AUTS2: variants seen among roughly 807,000 people sequenced by gnomAD.
The protein encoded by AUTS2 is activator of transcription and developmental regulator AUTS2.
A neutral mutation model predicts 112.4 loss-of-function variants in AUTS2; 17 were observed. The observed-to-expected ratio is 0.15, with a 90% CI of 0.10 to 0.23. The LOEUF (loss-of-function observed/expected upper bound fraction) is 0.23. Among genes scored for constraint, AUTS2 ranks in the 10% least tolerant of loss-of-function variants. AUTS2 has a pLI of 1.00. For missense variants in AUTS2, 1,510 were observed against 1,701.6 expected, an observed-to-expected ratio of 0.89 and a Z score of 1.98; for synonymous variants, 751 against 702.7, an observed-to-expected ratio of 1.07 and a Z score of -1.09.
rs560277722 is a variant in AUTS2, at chr7:70,312,998, C to T, written c.661-122754C>T. On this transcript the variant is annotated intron_variant, in intron 4 of 18. Transcript: ENST00000342771. ...GAAGATTGATTTGGGAGTAAAAGAA[C>T]GTCTAAACTGCTATCCTGTGGAAGA... Among the ~76,000 whole-genome samples the T allele has an allele frequency of 4.6e-5, 7 of 152,276 alleles. No homozygotes were observed. In the East Asian group the frequency reaches 1.2e-3, roughly 25 times the overall value.
intron 1 of AUTS2, among the ~76,000 whole-genome samples, chr7:69,773,043 CA>C (rs1320839245): frequency 6.6e-6 from 1 of 152,152 alleles, no homozygotes; most frequent in Middle Eastern, 3.2e-3. Flanking sequence ...CTCCAAGAGC[CA>C]AACAGCCAGC....
chr7:69,634,675 A>G lies in AUTS2; in HGVS notation c.309+34713A>G, dbSNP rs1794435038. 2.6e-5 allele frequency among the ~76,000 whole-genome samples: 4 copies of G among 152,312 alleles called. No homozygotes were observed. In the South Asian group the frequency reaches 8.3e-4, roughly 32 times the overall value. On this transcript the variant is annotated intron_variant, in intron 1 of 18. Coordinates refer to ENST00000342771, the MANE Select transcript of AUTS2 (RefSeq NM_015570.4). ...GTGGTTACAGGAGGTGGCTTAGGGT[A>G]ATATGTGCTGGCATCTTTAAGTATT...
chr7:70,748,339 C>T (rs1354987328), intron 6 of AUTS2, among the ~76,000 whole-genome samples: 1 of 152,022 alleles, frequency 6.6e-6, no homozygotes, highest in Non-Finnish European at 1.5e-5. Context: ...TATAGAAAAT[C>T]AATGTAAAGG....
intron 5 of AUTS2, among the ~76,000 whole-genome samples, chr7:70,509,926 T>C (rs1799115571): frequency 6.6e-6 from 1 of 152,246 alleles, no homozygotes; most frequent in Non-Finnish European, 1.5e-5. Flanking sequence ...AACTTCATTT[T>C]CTACTTGAAA....
At chr7:70,311,040 C>T (rs763154270) in intron 4 of AUTS2, among the ~76,000 whole-genome samples, 5 of 152,116 alleles carry the variant, frequency 3.3e-5, no homozygotes, top group African/African-American at 4.8e-5. Context: ...AAAGCAGTTC[C>T]TAGAACTCTC....
chr7:70,084,200 GA>G (rs976891339), intron 2 of AUTS2, among the ~76,000 whole-genome samples: 7 of 152,038 alleles, frequency 4.6e-5, no homozygotes, highest in African/African-American at 1.4e-4. Flanking sequence ...TTTTTTGGAG[GA>G]GGGGGGGTTC....
intron 4 of AUTS2, among the ~76,000 whole-genome samples, chr7:70,156,180 G>T (rs1396890618): frequency 6.6e-6 from 1 of 152,012 alleles, no homozygotes; most frequent in Non-Finnish European, 1.5e-5. Context: ...TCTCTTCTTG[G>T]CTCCTCTTCC....
chr7:70,087,048 T>C (rs1484361282), intron 2 of AUTS2, among the ~76,000 whole-genome samples: 1 of 152,012 alleles, frequency 6.6e-6, no homozygotes, highest in Non-Finnish European at 1.5e-5. Context: ...TCATTTTAAC[T>C]CATATTATGG....
intron 5 of AUTS2, among the ~76,000 whole-genome samples, chr7:70,561,027 G>A (rs531970606): frequency 1.3e-5 from 2 of 152,266 alleles, no homozygotes; most frequent in South Asian, 4.1e-4. Context: ...AAAAGTTTGT[G>A]TCTGTGAAAA....
At chr7:70,004,949 C>G (rs1315892870) in intron 2 of AUTS2, among the ~76,000 whole-genome samples, 1 of 151,826 alleles carries the variant, frequency 6.6e-6, no homozygotes, top group Non-Finnish European at 1.5e-5. Context: ...CTCAGCCTCC[C>G]AAGTAGCTGG....
intron 11 of AUTS2, among the ~76,000 whole-genome samples, chr7:70,771,998 G>C (rs527684614): frequency 6.6e-6 from 1 of 152,254 alleles, no homozygotes; most frequent in South Asian, 2.1e-4. Context: ...AGGTTGTTCC[G>C]CAGGTGTATG....
At chr7:70,129,187 A>T (rs953560808) in intron 3 of AUTS2, among the ~76,000 whole-genome samples, 1 of 152,082 alleles carries the variant, frequency 6.6e-6, no homozygotes, top group Non-Finnish European at 1.5e-5. Flanking sequence ...CTATAGTATA[A>T]CTCTAGTCTC....
intron 2 of AUTS2, among the ~76,000 whole-genome samples, chr7:70,037,954 G>A (rs973367269): frequency 6.8e-6 from 1 of 146,854 alleles, no homozygotes; most frequent in Non-Finnish European, 1.5e-5. Flanking sequence ...AATATCCTTT[G>A]ATACCCCGCC....
At chr7:70,129,200 G>T (rs1806138678) in intron 3 of AUTS2, among the ~76,000 whole-genome samples, 1 of 152,146 alleles carries the variant, frequency 6.6e-6, no homozygotes, top group African/African-American at 2.4e-5. Flanking sequence ...CTAGTCTCAA[G>T]GCTGGCAGGT....
At chr7:69,740,967 A>T (rs1787239845) in intron 1 of AUTS2, among the ~76,000 whole-genome samples, 1 of 152,164 alleles carries the variant, frequency 6.6e-6, no homozygotes, top group African/African-American at 2.4e-5. Flanking sequence ...AGTTCTAGCA[A>T]TAAAAAAAGT....
intron 4 of AUTS2, among the ~76,000 whole-genome samples, chr7:70,247,868 T>C (rs577689835): frequency 3.5e-4 from 53 of 152,298 alleles, no homozygotes; most frequent in South Asian, 6.2e-4. Context: ...GTATTTTGTT[T>C]TGTTTTGTTT....
chr7:69,839,693 G>T (rs1791887746), intron 1 of AUTS2, among the ~76,000 whole-genome samples: 1 of 152,048 alleles, frequency 6.6e-6, no homozygotes, highest in Admixed American at 6.6e-5. Flanking sequence ...TAGGAGTGGG[G>T]GTATTCAGGA....
At chr7:70,481,645 G>A in intron 5 of AUTS2, among the ~76,000 whole-genome samples, 1 of 152,140 alleles carries the variant, frequency 6.6e-6, no homozygotes, top group East Asian at 1.9e-4. Flanking sequence ...AGGTCGGCTT[G>A]TCTTCTCTGT....
intron 2 of AUTS2, among the ~76,000 whole-genome samples, chr7:70,101,400 G>T (rs939201367): frequency 1.3e-5 from 2 of 151,630 alleles, no homozygotes; most frequent in Admixed American, 6.6e-5. Flanking sequence ...AAAGGGGCAG[G>T]TCCCCTCCTT....
Sources: gnomAD v4.1 joint callset for allele counts (sites outside exome capture counted in the v4.1 genomes callset) on GRCh38, gnomAD v4.1.1 for gene constraint, MANE v1.5 for transcripts, NCBI Gene and HGNC (gene_info 2026-07-23, HGNC 2026-07-21) for gene names.